The following KCNK2 variants were observed in gnomAD, a reference collection of about 807,000 sequenced individuals.
KCNK2 encodes the protein potassium channel subfamily K member 2.
Under a neutral mutation model 40.5 loss-of-function variants are expected in KCNK2, and 21 were observed. The observed-to-expected ratio is 0.52, with a 90% CI of 0.37 to 0.75. The LOEUF is 0.75. KCNK2 is among the 30% of genes least tolerant of loss of function. KCNK2 has a pLI of 0.00. For synonymous variants in KCNK2, 191 were observed against 202.2 expected (o/e 0.94, Z 0.47); for missense variants, 399 against 531.6 (o/e 0.75, Z 2.45).
chr1:215,096,102 G>GT (rs1397628297), intron 2 of KCNK2, among the ~76,000 whole-genome samples: 4 of 151,948 alleles, frequency 2.6e-5, no homozygotes, highest in Non-Finnish European at 5.9e-5. Flanking sequence ...AGTAATAATA[G>GT]TTTTTTGTTG....
At chr1:215,226,760 AAAAG>A (rs202029278) in intron 6 of KCNK2, among the ~76,000 whole-genome samples, 2,791 of 152,278 alleles carry the variant, frequency 0.018, 73 homozygotes, top group African/African-American at 0.06. Context: ...CAGAAAGGAA[AAAAG>A]AAAGAAAGAA....
chr1:215,035,136 T>C (rs746493383), intron 1 of KCNK2, among the ~76,000 whole-genome samples: 1 of 152,132 alleles, frequency 6.6e-6, no homozygotes, highest in Non-Finnish European at 1.5e-5. Flanking sequence ...TTTGTACTTA[T>C]AGTATCCAGT....
intron 6 of KCNK2, among the ~76,000 whole-genome samples, chr1:215,230,404 A>G (rs769430016): frequency 2.0e-5 from 3 of 147,354 alleles, no homozygotes; most frequent in Non-Finnish European, 4.5e-5. Flanking sequence ...AAAATATAGT[A>G]TTATAGTTTT....
At chr1:215,128,061 A>G (rs1054441104) in intron 3 of KCNK2, among the ~76,000 whole-genome samples, 2 of 152,212 alleles carry the variant, frequency 1.3e-5, no homozygotes, top group Non-Finnish European at 2.9e-5. Flanking sequence ...ACAGTGTGCC[A>G]AGAGTTGTGA....
At chr1:215,025,177 C>T (rs1316177304) in intron 1 of KCNK2, among the ~76,000 whole-genome samples, 2 of 151,908 alleles carry the variant, frequency 1.3e-5, no homozygotes, top group Non-Finnish European at 2.9e-5. Context: ...TTAGTTTTCT[C>T]ATTGGTTAAA....
intron 3 of KCNK2, among the ~76,000 whole-genome samples, chr1:215,141,657 G>T (rs902599422): frequency 6.6e-6 from 1 of 152,030 alleles, no homozygotes; most frequent in Non-Finnish European, 1.5e-5. Context: ...ATTTGGCTGG[G>T]TATAAAATTC....
intron 3 of KCNK2, among the ~76,000 whole-genome samples, chr1:215,129,502 C>G (rs1661574293): frequency 6.6e-6 from 1 of 152,044 alleles, no homozygotes; most frequent in African/African-American, 2.4e-5. Flanking sequence ...GGGAGGTGTT[C>G]TAAAGAGGCT....
intron 1 of KCNK2, among the ~76,000 whole-genome samples, chr1:215,009,754 CA>C (rs1020710987): frequency 6.6e-6 from 1 of 151,264 alleles, no homozygotes; most frequent in African/African-American, 2.4e-5. Context: ...CAATCTGGCA[CA>C]AAAAAAAGAT....
At chr1:215,204,629 G>A (rs1433346710) in intron 6 of KCNK2, among the ~76,000 whole-genome samples, 4 of 148,978 alleles carry the variant, frequency 2.7e-5, no homozygotes, top group Non-Finnish European at 5.9e-5. Flanking sequence ...GCAAACCAAA[G>A]TATTGCACTT....
intron 1 of KCNK2, among the ~76,000 whole-genome samples, chr1:215,008,811 A>G (rs1656277381): frequency 6.6e-6 from 1 of 152,146 alleles, no homozygotes; most frequent in South Asian, 2.1e-4. Context: ...AGAAAATTGT[A>G]AAGCAAATCT....
chr1:215,177,740 A>ATATTTTTTTTTTTTTTTTTT (rs71167812), intron 5 of KCNK2, among the ~76,000 whole-genome samples: 1 of 101,580 alleles, frequency 9.8e-6, no homozygotes, highest in Non-Finnish European at 2.0e-5. Context: ...ATATATATAT[A>ATATTTTTTTTTTTTTTTTTT]TTTTTTTTTT....
intron 6 of KCNK2, among the ~76,000 whole-genome samples, chr1:215,203,886 A>C (rs1665186474): frequency 6.6e-6 from 1 of 151,844 alleles, no homozygotes; most frequent in African/African-American, 2.4e-5. Context: ...AAAACACAAA[A>C]AATTAGCCGG....
intron 3 of KCNK2, among the ~76,000 whole-genome samples, chr1:215,139,837 GTATA>G (rs1159062891): frequency 2.0e-5 from 3 of 152,014 alleles, no homozygotes; most frequent in Non-Finnish European, 4.4e-5. Flanking sequence ...TGTTATCAAA[GTATA>G]TATATAGATT....
intron 1 of KCNK2, among the ~76,000 whole-genome samples, chr1:215,035,817 C>A (rs554161445): frequency 1.3e-5 from 2 of 151,934 alleles, no homozygotes; most frequent in Non-Finnish European, 2.9e-5. Context: ...TGTTAAATTA[C>A]TTTCGAACCC....
At chr1:215,111,067 A>G (rs1318855709) in intron 2 of KCNK2, among the ~76,000 whole-genome samples, 1 of 152,154 alleles carries the variant, frequency 6.6e-6, no homozygotes, top group Non-Finnish European at 1.5e-5. Context: ...TCAGAATGTC[A>G]TATAGTTGGA....
In KCNK2 at chr1:215,169,188, T is replaced by A; in HGVS notation, c.476-11T>A. ...TATTATTCATTTGTAAACAATGTAA[T>A]TTTTTTAAAGGATTTGGAAACATCT... On this transcript the variant is annotated splice_polypyrimidine_tract_variant and intron_variant, in intron 3 of 6. Coordinates refer to ENST00000444842, the MANE Select transcript of KCNK2 (RefSeq NM_001017425.3). 1 of 1,584,142 alleles carries A rather than the reference T, an allele frequency of 6.3e-7. No homozygotes were observed. The highest frequency in any genetic ancestry group is 1.9e-5 in the Admixed American group (1 of 53,570).
intron 1 of KCNK2, among the ~76,000 whole-genome samples, chr1:215,052,307 A>G (rs1166319874): frequency 5.3e-5 from 8 of 152,236 alleles, no homozygotes; most frequent in Admixed American, 5.2e-4. Flanking sequence ...GAGAAATGAC[A>G]TAACTTGATT....
At chr1:215,224,758 A>T (rs987524364) in intron 6 of KCNK2, among the ~76,000 whole-genome samples, 2 of 152,194 alleles carry the variant, frequency 1.3e-5, no homozygotes, top group African/African-American at 4.8e-5. Context: ...AAATATAATG[A>T]ATTACACTTT....
chr1:215,024,003 G>T (rs968492850), intron 1 of KCNK2, among the ~76,000 whole-genome samples: 4 of 152,226 alleles, frequency 2.6e-5, no homozygotes, highest in African/African-American at 7.2e-5. Flanking sequence ...GGAAAATCCA[G>T]CAGGGTGCAG....
Sources: gnomAD v4.1 joint callset for allele counts (sites outside exome capture counted in the v4.1 genomes callset) on GRCh38, gnomAD v4.1.1 for gene constraint, MANE v1.5 for transcripts, NCBI Gene and HGNC (gene_info 2026-07-23, HGNC 2026-07-21) for gene names.